The following STAG1 variants were observed in gnomAD, a reference collection of about 807,000 sequenced individuals.
STAG1 encodes the protein cohesin subunit SA-1.
In STAG1, 26 loss-of-function variants were observed where a neutral mutation model predicts 170.9. That is an observed-to-expected ratio of 0.15 (90% confidence interval 0.11 to 0.21). The LOEUF is 0.21. Ranked by LOEUF, STAG1 falls within the 10% of genes least tolerant of loss-of-function variation. STAG1 has a pLI of 1.00. For missense variants in STAG1, 964 were observed against 1,509.5 expected, an observed-to-expected ratio of 0.64 and a Z score of 5.99; for synonymous variants, 514 against 497.7, an observed-to-expected ratio of 1.03 and a Z score of -0.44.
chr3:136,686,066 G>A (rs1942511461), intron 1 of STAG1, among the ~76,000 whole-genome samples: 1 of 152,174 alleles, frequency 6.6e-6, no homozygotes, highest in South Asian at 2.1e-4. Context: ...CACAGAGTAA[G>A]GCAGGTGGTT....
intron 1 of STAG1, among the ~76,000 whole-genome samples, chr3:136,676,082 C>A (rs1458774943): frequency 2.6e-5 from 4 of 152,310 alleles, no homozygotes. Context: ...AATAGTAAGC[C>A]ATTTGTGTAT....
At chr3:136,606,929 T>C (rs1341672083) in intron 3 of STAG1, among the ~76,000 whole-genome samples, 1 of 151,916 alleles carries the variant, frequency 6.6e-6, no homozygotes, top group Non-Finnish European at 1.5e-5. Flanking sequence ...TTTTTGTATT[T>C]TTAGTAGAGA....
chr3:136,596,147 G>A (rs567548242), intron 4 of STAG1, among the ~76,000 whole-genome samples: 2 of 152,320 alleles, frequency 1.3e-5, no homozygotes, highest in South Asian at 4.1e-4. Context: ...GGTTTGAGAG[G>A]ACTTCCTCCA....
At chr3:136,656,452 A>T (rs145798207) in intron 1 of STAG1, among the ~76,000 whole-genome samples, 3 of 151,620 alleles carry the variant, frequency 2.0e-5, no homozygotes, top group Non-Finnish European at 4.4e-5. Flanking sequence ...GTATTTTATC[A>T]TTTTTTTTCC....
chr3:136,726,225 C>T (rs1933679685), intron 1 of STAG1, among the ~76,000 whole-genome samples: 1 of 152,174 alleles, frequency 6.6e-6, no homozygotes, highest in Non-Finnish European at 1.5e-5. Context: ...TGATCTCTAT[C>T]CACTGATGCC....
At chr3:136,610,563 G>A (rs888046923) in intron 3 of STAG1, among the ~76,000 whole-genome samples, 1 of 152,058 alleles carries the variant, frequency 6.6e-6, no homozygotes, top group South Asian at 2.1e-4. Context: ...TGAAGATACT[G>A]GTACTTGATA....
chr3:136,598,042 G>T (rs1388404477), intron 4 of STAG1, among the ~76,000 whole-genome samples: 3 of 151,722 alleles, frequency 2.0e-5, no homozygotes, highest in African/African-American at 7.3e-5. Context: ...ATCACTTCAG[G>T]TAAGTATAGG....
rs1482490563 is a variant in STAG1, at chr3:136,465,244, G to A, written c.1206-256C>T. ...CAGCTTTTTTTTTTTTTTTGAGACAGAGTCTTGCTCTGTCAACTAGGCTGG... is the reference window on the plus strand; with the variant it reads ...CAGCTTTTTTTTTTTTTTTGAGACAAAGTCTTGCTCTGTCAACTAGGCTGG... On this transcript the variant is annotated intron_variant, in intron 12 of 33. Transcript: ENST00000383202. Among the ~76,000 whole-genome samples the A allele has an allele frequency of 3.1e-5, 4 of 129,766 alleles. No homozygotes were observed. The South Asian group carries it at 7.7e-4, about 25-fold the overall frequency. The allele number at this position is 129,766 out of a possible 152,430, so 85.1% of individuals were successfully genotyped here.
Position 136,706,597 on chromosome 3 carries a change from C to T in STAG1, c.-84+45598G>A, listed in dbSNP as rs116293925. On this transcript the variant is annotated intron_variant, in intron 1 of 33. Coordinates refer to ENST00000383202, the MANE Select transcript of STAG1 (RefSeq NM_005862.3). ...TTAAATGGAAAGACATCTAACATTC[C>T]CCAATTAGATCATTTAATATTGTTA... Among the ~76,000 whole-genome samples the T allele has an allele frequency of 9.1e-3, 1,380 of 152,066 alleles. 27 individuals are homozygous for T. Among genetic ancestry groups the T allele is most frequent in the African/African-American group, 0.03 (1,230 of 41,480 alleles).
chr3:136,459,741 A>G (rs561986765), intron 13 of STAG1, among the ~76,000 whole-genome samples: 1 of 152,350 alleles, frequency 6.6e-6, no homozygotes, highest in South Asian at 2.1e-4. Context: ...CATGTAAATT[A>G]GACAACACGC....
chr3:136,474,872 A>C (rs1189471153), intron 10 of STAG1, among the ~76,000 whole-genome samples: 1 of 152,138 alleles, frequency 6.6e-6, no homozygotes. Flanking sequence ...ACCACCTAGC[A>C]CATAGACCCC....
intron 1 of STAG1, among the ~76,000 whole-genome samples, chr3:136,751,651 A>AC (rs887597817): frequency 4.0e-5 from 6 of 150,730 alleles, no homozygotes; most frequent in African/African-American, 9.8e-5. Context: ...CCGCCGAGCG[A>AC]CCCCCCAGGC....
chr3:136,340,636 C>T (rs1260591967), intron 31 of STAG1, 31 bp from the exon 32 acceptor site: 1 of 1,398,410 alleles, frequency 7.2e-7, no homozygotes, highest in Admixed American at 1.7e-5. Context: ...TCAGAAAGCT[C>T]ATCAGACTCC....
chr3:136,354,698 T>C (rs544518675), intron 28 of STAG1, among the ~76,000 whole-genome samples: 1 of 77,628 alleles, frequency 1.3e-5, no homozygotes, highest in Non-Finnish European at 2.5e-5. Context: ...GGAATTAGTA[T>C]GCTACACTAG....
At chr3:136,388,332 C>T (rs2086920835) in intron 22 of STAG1, among the ~76,000 whole-genome samples, 1 of 152,112 alleles carries the variant, frequency 6.6e-6, no homozygotes, top group South Asian at 2.1e-4. Context: ...AACACACACA[C>T]AAAATGCTGG....
At chr3:136,602,103 G>A (rs932966549) in intron 4 of STAG1, among the ~76,000 whole-genome samples, 2 of 152,010 alleles carry the variant, frequency 1.3e-5, no homozygotes, top group Admixed American at 6.6e-5. Flanking sequence ...AAGTAAGGCC[G>A]GGCACAGTGG....
intron 6 of STAG1, among the ~76,000 whole-genome samples, chr3:136,526,632 G>C (rs895602918): frequency 2.0e-5 from 3 of 152,110 alleles, no homozygotes; most frequent in African/African-American, 7.2e-5. Flanking sequence ...ATTTGATCCT[G>C]TCATTATGTT....
intron 15 of STAG1, among the ~76,000 whole-genome samples, chr3:136,439,601 C>T (rs901607294): frequency 1.3e-5 from 2 of 152,018 alleles, no homozygotes; most frequent in Admixed American, 1.3e-4. Context: ...TAAAAAATTA[C>T]TTTAAAAAAA....
chr3:136,532,637 C>T (rs984786299), intron 6 of STAG1, among the ~76,000 whole-genome samples: 7 of 152,096 alleles, frequency 4.6e-5, no homozygotes, highest in African/African-American at 1.2e-4. Flanking sequence ...AAATGTGATA[C>T]ATAACATCAA....
Sources: allele counts gnomAD v4.1 joint callset (sites outside exome capture counted in the v4.1 genomes callset), GRCh38; gene constraint gnomAD v4.1.1; transcripts MANE v1.5; gene names NCBI Gene and HGNC (gene_info 2026-07-23, HGNC 2026-07-21).